Variants in MSR1 observed in about 807,000 individuals in gnomAD.
MSR1 encodes macrophage scavenger receptor 1.
MSR1 carries 53 observed loss-of-function variants against 47.2 expected under a neutral mutation model. The ratio of observed to expected loss-of-function variants is 1.12; its 90% CI spans 0.90 to 1.41. MSR1 has a LOEUF of 1.41. MSR1 is among the 40% of genes most tolerant of loss of function. The pLI is 0.00. For synonymous variants in MSR1, 239 were observed against 185.6 expected (o/e 1.29, Z -2.34); for missense variants, 786 against 546.9 (o/e 1.44, Z -4.36).
chr8:16,175,794 A>G (rs555101126), intron 2 of MSR1, among the ~76,000 whole-genome samples: 6 of 152,316 alleles, frequency 3.9e-5, no homozygotes, highest in East Asian at 3.9e-4. Flanking sequence ...TTGTATCTGC[A>G]TACCTCTTAT....
At chr8:16,169,933 G>C (rs989163219) in intron 3 of MSR1, among the ~76,000 whole-genome samples, 2 of 151,984 alleles carry the variant, frequency 1.3e-5, no homozygotes, top group African/African-American at 4.8e-5. Context: ...AACATACTGA[G>C]CTGCTGATAG....
In MSR1 at chr8:16,126,980, G is replaced by C. The variant is rs545896025; in HGVS notation, c.1034-6374C>G. On this transcript the variant is annotated intron_variant, in intron 8 of 9. Coordinates refer to ENST00000262101, the MANE Select transcript of MSR1 (RefSeq NM_138715.3). ...TATAAAGTGCTTTTCAGAGTGTCTG[G>C]TACAGAGGGTTCATTCTACACATTA... Among the ~76,000 whole-genome samples the C allele has an allele frequency of 2.0e-5, 3 of 152,236 alleles. No homozygotes were observed. In the South Asian group the frequency reaches 6.2e-4, roughly 32 times the overall value.
chr8:16,137,354 A>G (rs532396402), intron 8 of MSR1, among the ~76,000 whole-genome samples: 1 of 152,254 alleles, frequency 6.6e-6, no homozygotes, highest in Middle Eastern at 3.4e-3. Context: ...AAGAATTTTT[A>G]TCTCTTTAGC....
At chr8:16,140,749 G>A in intron 8 of MSR1, 1 of 1,427,650 alleles carries the variant, frequency 7.0e-7, no homozygotes, top group Non-Finnish European at 9.1e-7. Flanking sequence ...GTCCAGGCTG[G>A]GGGTGATAGG....
intron 3 of MSR1, among the ~76,000 whole-genome samples, chr8:16,173,780 C>T (rs997240019): frequency 2.4e-4 from 36 of 152,080 alleles, no homozygotes; most frequent in African/African-American, 7.5e-4. Context: ...TCCCGAGTAG[C>T]TGGGACTACA....
chr8:16,179,411 A>C (rs539359412), intron 1 of MSR1, among the ~76,000 whole-genome samples: 1 of 152,344 alleles, frequency 6.6e-6, no homozygotes, highest in Non-Finnish European at 1.5e-5. Flanking sequence ...CATAGGATTC[A>C]GAAAAAACAG....
chr8:16,117,762 A>G (rs2117056019), intron 9 of MSR1, among the ~76,000 whole-genome samples: 1 of 152,214 alleles, frequency 6.6e-6, no homozygotes, highest in Non-Finnish European at 1.5e-5. Context: ...ACTGTCTCCC[A>G]TCAGCCCCAG....
intron 9 of MSR1, among the ~76,000 whole-genome samples, chr8:16,120,073 T>C (rs1799962119): frequency 1.3e-5 from 2 of 151,812 alleles, no homozygotes; most frequent in East Asian, 1.9e-4. Flanking sequence ...CTACATTTCA[T>C]TTTTTTAAAA....
intron 9 of MSR1, 107 bp downstream of exon 9, chr8:16,120,311 A>G (rs1276789730): frequency 8.7e-7 from 1 of 1,151,814 alleles, no homozygotes; most frequent in Non-Finnish European, 1.3e-6. Context: ...CGGGAGGCAG[A>G]GGTTGCAGTG....
intron 5 of MSR1, among the ~76,000 whole-genome samples, chr8:16,163,365 C>A (rs1801214508): frequency 6.6e-6 from 1 of 151,096 alleles, no homozygotes; most frequent in Admixed American, 6.6e-5. Flanking sequence ...CAAAGAATAC[C>A]AACAGGCAAA....
chr8:16,154,719 A>G (rs1800951907), intron 6 of MSR1, among the ~76,000 whole-genome samples: 1 of 151,952 alleles, frequency 6.6e-6, no homozygotes, highest in Non-Finnish European at 1.5e-5. Context: ...TTCACATATG[A>G]TCTACGGTTA....
chr8:16,191,520 C>CT (rs199595264), intron 1 of MSR1, among the ~76,000 whole-genome samples: 71 of 151,506 alleles, frequency 4.7e-4, no homozygotes, highest in East Asian at 1.4e-3. Context: ...TAAAATATCA[C>CT]TTTTTTTTTA....
At chr8:16,110,302 C>G (rs1799728942) in intron 9 of MSR1, 84 bp from the exon 10 acceptor site, 4 of 1,457,608 alleles carry the variant, frequency 2.7e-6, no homozygotes, top group East Asian at 4.5e-5. Context: ...AATTCCTTCA[C>G]TAATTAAACA....
chr8:16,182,420 A>T (rs1448789071), intron 1 of MSR1, among the ~76,000 whole-genome samples: 2 of 152,188 alleles, frequency 1.3e-5, no homozygotes, highest in African/African-American at 4.8e-5. Context: ...GCCTTAGTTT[A>T]CAGTACCTTT....
Position 16,164,182 on chromosome 8 carries a change from C to T in MSR1, c.700G>A (p.Val234Met), listed in dbSNP as rs753392220. The T allele has an allele frequency of 6.2e-6, 10 of 1,612,142 alleles. No homozygotes were observed. Among genetic ancestry groups the T allele is most frequent in the Admixed American group, 3.3e-5 (2 of 59,904 alleles). Reference sequence around the variant, plus strand: ...CCTTTTATTTCCTGTTCCAAATGCACTTGTTCTTCTTTCATAGCCATAATT... The same window carrying T: ...CCTTTTATTTCCTGTTCCAAATGCATTTGTTCTTCTTTCATAGCCATAATT... ...AEIMAMKEEQ[V>M]HLEQEIKGEV... The change falls in exon 5 of 10, where the codon GTG becomes ATG. Residue 234 changes from valine to methionine, a missense_variant. Coordinates refer to ENST00000262101, the MANE Select transcript of MSR1 (RefSeq NM_138715.3).
In MSR1 at chr8:16,166,752, GGT is replaced by G. The variant is rs1400139913; in HGVS notation, c.630+1704_630+1705del. ...TCCTCTTTCTTTCAAATTAATTTTT[GGT>G]GTGTCCTTGATAAGTGTTATGCTGG... On this transcript the variant is annotated intron_variant, in intron 4 of 9. Coordinates refer to ENST00000262101, the MANE Select transcript of MSR1 (RefSeq NM_138715.3). 7.9e-5 allele frequency among the ~76,000 whole-genome samples: 12 copies of G among 151,650 alleles called. No homozygotes were observed. In the East Asian group the frequency reaches 2.3e-3, roughly 29 times the overall value.
At chr8:16,129,249 T>C (rs542514327) in intron 8 of MSR1, among the ~76,000 whole-genome samples, 1 of 152,296 alleles carries the variant, frequency 6.6e-6, no homozygotes, top group East Asian at 1.9e-4. Context: ...AGAATTCCTT[T>C]ATATAGGTCC....
chr8:16,164,451 G>A (rs976972968), intron 4 of MSR1, among the ~76,000 whole-genome samples, 200 bp from the exon 5 acceptor site: 3 of 151,844 alleles, frequency 2.0e-5, no homozygotes, highest in Non-Finnish European at 4.4e-5. Context: ...CTGAATGGCT[G>A]AATGTTTACA....
chr8:16,148,289 A>G (rs1312928034), intron 7 of MSR1, among the ~76,000 whole-genome samples: 1 of 152,062 alleles, frequency 6.6e-6, no homozygotes, highest in African/African-American at 2.4e-5. Context: ...ATTTATCTCC[A>G]GCACACAGTG....
Sources: gnomAD v4.1 joint callset for allele counts (sites outside exome capture counted in the v4.1 genomes callset) on GRCh38, gnomAD v4.1.1 for gene constraint, MANE v1.5 for transcripts, NCBI Gene and HGNC (gene_info 2026-07-23, HGNC 2026-07-21) for gene names.